The following CNTNAP2 variants were observed in gnomAD, a reference collection of about 807,000 sequenced individuals.
CNTNAP2 encodes the protein contactin-associated protein-like 2.
CNTNAP2 carries 98 observed loss-of-function variants against 155.2 expected under a neutral mutation model. That is an observed-to-expected ratio of 0.63 (90% CI 0.54 to 0.75). The LOEUF (loss-of-function observed/expected upper bound fraction) is 0.75. Among genes scored for constraint, CNTNAP2 ranks in the 30% least tolerant of loss-of-function variants. CNTNAP2 has a pLI of 0.00. For synonymous variants in CNTNAP2, 651 were observed against 631.2 expected (o/e 1.03, Z -0.47); for missense variants, 1,727 against 1,688.1 (o/e 1.02, Z -0.40).
chr7:147,340,491 C>T (rs759888944), intron 9 of CNTNAP2, among the ~76,000 whole-genome samples: 14 of 152,088 alleles, frequency 9.2e-5, no homozygotes, highest in Non-Finnish European at 1.8e-4. Context: ...ACCCAGGCTT[C>T]TAGATGCTAC....
chr7:147,728,393 G>A (rs1218093033), intron 13 of CNTNAP2, among the ~76,000 whole-genome samples: 1 of 151,972 alleles, frequency 6.6e-6, no homozygotes, highest in Admixed American at 6.6e-5. Flanking sequence ...GGAAAAAGAG[G>A]ATTTTTAAAC....
chr7:147,885,378 C>T (rs1316396311), intron 13 of CNTNAP2, among the ~76,000 whole-genome samples: 2 of 152,150 alleles, frequency 1.3e-5, no homozygotes, highest in Non-Finnish European at 2.9e-5. Flanking sequence ...CAGGCCCCAG[C>T]ACGTTGGGAA....
chr7:148,411,885 C>T (rs2116720665), intron 23 of CNTNAP2, among the ~76,000 whole-genome samples: 1 of 150,236 alleles, frequency 6.7e-6, no homozygotes, highest in East Asian at 1.9e-4. Flanking sequence ...ATTTTCTGGG[C>T]TTTTTGTTTT....
rs531578002 is a variant in CNTNAP2 at position 147,438,387 on chromosome 7, CATTCTGTTGATATGATGT to C, written c.1670+42610_1670+42627del. On this transcript the variant is annotated intron_variant, in intron 10 of 23. Transcript: ENST00000361727. Reference sequence around the variant, plus strand: ...GAAATGATTATACGGTTTTGGCCTTCATTCTGTTGATATGATGTATCACATTGATTTGCATATGTTGAA... The same window carrying C: ...GAAATGATTATACGGTTTTGGCCTTCATCACATTGATTTGCATATGTTGAA... Among the ~76,000 whole-genome samples the C allele has an allele frequency of 7.2e-3, 1,102 of 152,140 alleles. 12 individuals carry two copies. The highest frequency in any genetic ancestry group is 0.012 in the Non-Finnish European group (830 of 67,920).
intron 4 of CNTNAP2, among the ~76,000 whole-genome samples, chr7:147,073,509 A>C (rs1799938800): frequency 6.6e-6 from 1 of 152,162 alleles, no homozygotes; most frequent in Admixed American, 6.5e-5. Context: ...TATGCATAGG[A>C]GAGGTAATTG....
At chr7:148,128,331 A>G (rs982162995) in intron 16 of CNTNAP2, among the ~76,000 whole-genome samples, 26 of 152,186 alleles carry the variant, frequency 1.7e-4, no homozygotes, top group Non-Finnish European at 3.7e-4. Flanking sequence ...TACTATACAT[A>G]AGAAAAAAAA....
intron 19 of CNTNAP2, 124 bp from the exon 20 acceptor site, chr7:148,229,522 A>G: frequency 7.5e-7 from 1 of 1,340,456 alleles, no homozygotes; most frequent in Middle Eastern, 2.1e-4. Context: ...GACTCCGTCA[A>G]AAAAAAGAAA....
Position 146,995,175 on chromosome 7 carries a change from T to C in CNTNAP2, c.403-48732T>C, listed in dbSNP as rs574947528. On this transcript the variant is annotated intron_variant, in intron 3 of 23. Transcript: ENST00000361727. Reference sequence around the variant, plus strand: ...GTGATAAATGACACGATTTCCTTCATTTTTATGGCTGAACAGTATTCCATT... The same window carrying C: ...GTGATAAATGACACGATTTCCTTCACTTTTATGGCTGAACAGTATTCCATT... Among the ~76,000 whole-genome samples, 28 of 152,222 alleles carry C rather than the reference T, an allele frequency of 1.8e-4. 1 individual carries two copies. Among genetic ancestry groups the C allele is most frequent in the Middle Eastern group, 6.8e-3 (2 of 294 alleles).
chr7:146,505,674 ATGG>A (rs1797373767), intron 1 of CNTNAP2, among the ~76,000 whole-genome samples: 1 of 152,222 alleles, frequency 6.6e-6, no homozygotes. Flanking sequence ...ACCATACGTC[ATGG>A]TGGACTTGGA....
intron 3 of CNTNAP2, among the ~76,000 whole-genome samples, chr7:146,894,795 C>T (rs1795843767): frequency 6.6e-6 from 1 of 152,098 alleles, no homozygotes; most frequent in African/African-American, 2.4e-5. Context: ...AGCTACCATA[C>T]AATCGATATC....
intron 12 of CNTNAP2, among the ~76,000 whole-genome samples, chr7:147,583,992 A>G (rs544416709): frequency 1.3e-5 from 2 of 152,248 alleles, no homozygotes; most frequent in East Asian, 3.9e-4. Flanking sequence ...TCTGGAGACA[A>G]TAGAGGCTCA....
intron 14 of CNTNAP2, among the ~76,000 whole-genome samples, chr7:147,904,772 A>C (rs1010151640): frequency 1.3e-5 from 2 of 152,206 alleles, no homozygotes; most frequent in Non-Finnish European, 2.9e-5. Flanking sequence ...ATCTATTTCA[A>C]TGGCTTAGAA....
intron 15 of CNTNAP2, among the ~76,000 whole-genome samples, chr7:148,021,033 A>G (rs564097759): frequency 2.6e-5 from 4 of 152,356 alleles, no homozygotes; most frequent in South Asian, 2.1e-4. Flanking sequence ...GCAGGAAGAC[A>G]TCATATTTTC....
intron 11 of CNTNAP2, among the ~76,000 whole-genome samples, chr7:147,536,703 G>T (rs912712338): frequency 1.3e-5 from 2 of 152,094 alleles, no homozygotes; most frequent in Non-Finnish European, 2.9e-5. Flanking sequence ...GTGCTAACAC[G>T]CAGCGTTCTC....
chr7:146,270,204 A>G (rs1053996859), intron 1 of CNTNAP2, among the ~76,000 whole-genome samples: 1 of 152,198 alleles, frequency 6.6e-6, no homozygotes, highest in African/African-American at 2.4e-5. Context: ...AGCGTAAACT[A>G]TAGTTTATGT....
intron 12 of CNTNAP2, among the ~76,000 whole-genome samples, chr7:147,603,454 G>A (rs1211791329): frequency 6.6e-6 from 1 of 152,098 alleles, no homozygotes; most frequent in African/African-American, 2.4e-5. Flanking sequence ...CAAATCATGA[G>A]TGAACTCCCA....
intron 21 of CNTNAP2, among the ~76,000 whole-genome samples, chr7:148,306,238 T>G (rs1317335742): frequency 6.6e-6 from 1 of 152,222 alleles, no homozygotes; most frequent in Non-Finnish European, 1.5e-5. Context: ...CTCTGGAAGA[T>G]TTTAGGTTCT....
chr7:147,115,310 C>T (rs1042035310), intron 5 of CNTNAP2, among the ~76,000 whole-genome samples: 9 of 152,098 alleles, frequency 5.9e-5, no homozygotes, highest in Admixed American at 3.3e-4. Context: ...GGATGATCAT[C>T]TTGTGGAGTA....
At chr7:147,539,481 A>T (rs1289932019) in intron 11 of CNTNAP2, among the ~76,000 whole-genome samples, 3 of 152,168 alleles carry the variant, frequency 2.0e-5, no homozygotes, top group Non-Finnish European at 1.5e-5. Flanking sequence ...CTATCCACTC[A>T]CTAGTACCTT....
Sources: allele counts gnomAD v4.1 joint callset (sites outside exome capture counted in the v4.1 genomes callset), GRCh38; gene constraint gnomAD v4.1.1; transcripts MANE v1.5; gene names NCBI Gene and HGNC (gene_info 2026-07-23, HGNC 2026-07-21).